NDEL1: variants seen among roughly 807,000 people sequenced by gnomAD.
NDEL1 encodes the protein nudE neurodevelopment protein 1 like 1, also known as nuclear distribution protein nudE-like 1.
Under a neutral mutation model 45.7 loss-of-function variants are expected in NDEL1, and 9 were observed. The ratio of observed to expected loss-of-function variants is 0.20; its 90% CI spans 0.12 to 0.34. The LOEUF (loss-of-function observed/expected upper bound fraction) is 0.34. NDEL1 is among the 10% of genes least tolerant of loss of function. The probability of loss-of-function intolerance (pLI) is 1.00; values close to 1 mark genes in which losing one functional copy is unlikely to be tolerated. For missense variants in NDEL1, 306 were observed against 406.2 expected (o/e 0.75, Z 2.12); for synonymous variants, 133 against 158.6 (o/e 0.84, Z 1.21).
In NDEL1 at chr17:8,450,908, A is replaced by C; in HGVS notation, c.655A>C (p.Thr219Pro). The C allele has an allele frequency of 6.2e-7, 1 of 1,612,354 alleles. No homozygotes were observed. Among genetic ancestry groups the C allele is most frequent in the Non-Finnish European group, 8.5e-7 (1 of 1,179,390 alleles). ...AVQASLSLPA[T>P]PVGKGTENTF... Reference sequence around the variant, plus strand: ...CCAAGCATCACTTTCTTTGCCAGCTACCCCTGTTGGCAAAGGAACGGAGAA... The same window carrying C: ...CCAAGCATCACTTTCTTTGCCAGCTCCCCCTGTTGGCAAAGGAACGGAGAA... The change falls in exon 6 of 9, where the codon ACC becomes CCC. Residue 219 changes from threonine (T) to proline (P), a missense_variant. By Grantham distance (38) the Thr-to-Pro change is conservative. Transcript: ENST00000334527.
chr17:8,454,380 CA>C (rs879578656), intron 6 of NDEL1, among the ~76,000 whole-genome samples: 1,625 of 136,080 alleles, frequency 0.012, 21 homozygotes, highest in African/African-American at 0.039. Context: ...ATCAAATTGT[CA>C]AAAAAAAAAA....
upstream of NDEL1, among the ~76,000 whole-genome samples, chr17:8,434,264 C>T (rs979825714): frequency 6.6e-6 from 1 of 152,102 alleles, no homozygotes; most frequent in Non-Finnish European, 1.5e-5. Context: ...CTCACTCTGT[C>T]GCCCAGGTTA....
At chr17:8,423,844 G>A (rs1051795916) in intron 1 of NDEL1, among the ~76,000 whole-genome samples, 5 of 152,172 alleles carry the variant, frequency 3.3e-5, no homozygotes, top group African/African-American at 4.8e-5. Context: ...ACTGACATGA[G>A]TGCTCAGGTC....
chr17:8,469,375 A>G (rs1911776917), downstream of NDEL1, among the ~76,000 whole-genome samples: 1 of 152,180 alleles, frequency 6.6e-6, no homozygotes, highest in Non-Finnish European at 1.5e-5. Flanking sequence ...GGAGCCCTGA[A>G]TCTTCATCCC....
chr17:8,437,374 G>A (rs1478319960), intron 1 of NDEL1, among the ~76,000 whole-genome samples: 1 of 152,170 alleles, frequency 6.6e-6, no homozygotes, highest in Non-Finnish European at 1.5e-5. Flanking sequence ...TAAATAAATT[G>A]AAGTTGGATA....
At chr17:8,457,331 C>T (rs931672) in intron 7 of NDEL1, among the ~76,000 whole-genome samples, 77,452 of 152,056 alleles carry the variant, frequency 0.51, 20,685 homozygotes, top group Middle Eastern at 0.62. Context: ...CCTCACCCCA[C>T]GTTGTTGTCT....
chr17:8,462,191 A>G (rs1007726061), intron 8 of NDEL1, among the ~76,000 whole-genome samples: 11 of 151,588 alleles, frequency 7.3e-5, no homozygotes, highest in African/African-American at 2.7e-4. Flanking sequence ...GTGCTTCCCA[A>G]TCGGAACAGT....
At chr17:8,428,888 T>C (rs754993542) in intron 1 of NDEL1, among the ~76,000 whole-genome samples, 6 of 151,830 alleles carry the variant, frequency 4.0e-5, no homozygotes, top group East Asian at 1.9e-4. Flanking sequence ...TTAGCCAAGA[T>C]GGTCTCGATC....
chr17:8,447,182 G>T (rs1489431836), intron 4 of NDEL1, among the ~76,000 whole-genome samples: 1 of 152,020 alleles, frequency 6.6e-6, no homozygotes, highest in Non-Finnish European at 1.5e-5. Flanking sequence ...TCACATTGTC[G>T]CCCAGTCTGG....
At chr17:8,461,637 G>A (rs538508677) in intron 8 of NDEL1, among the ~76,000 whole-genome samples, 29 of 152,244 alleles carry the variant, frequency 1.9e-4, no homozygotes, top group African/African-American at 5.8e-4. Flanking sequence ...GCAGACTTGC[G>A]GCAGCCCTTG....
chr17:8,470,794 A>G (rs1465892835), downstream of NDEL1, among the ~76,000 whole-genome samples: 1 of 152,228 alleles, frequency 6.6e-6, no homozygotes, highest in African/African-American at 2.4e-5. The surrounding 1 kb of genome is among the most constrained non-coding windows in gnomAD (Gnocchi z 4.2). Flanking sequence ...AGGCTTGGAA[A>G]TGACGAGCGG....
chr17:8,444,200 T>C (rs1909935956), intron 1 of NDEL1, 60 bp from the exon 2 acceptor site: 1 of 1,076,912 alleles, frequency 9.3e-7, no homozygotes, highest in South Asian at 1.3e-5. Flanking sequence ...CCAGATTTTA[T>C]GCTTGTGCTT....
chr17:8,446,677 CT>C (rs1910102958), intron 3 of NDEL1, 76 bp from the exon 4 acceptor site: 2 of 1,501,906 alleles, frequency 1.3e-6, no homozygotes, highest in Non-Finnish European at 9.1e-7. Flanking sequence ...CCCCCCCACC[CT>C]TTTAACTTGA....
At chr17:8,435,774 G>A, upstream of NDEL1, 2 of 359,692 alleles carry the variant, frequency 5.6e-6, no homozygotes, top group East Asian at 9.6e-5. Context: ...GCTCTGGCCC[G>A]CCCCCTGTGA....
intron 8 of NDEL1, among the ~76,000 whole-genome samples, chr17:8,463,586 AG>A (rs1911379295): frequency 6.6e-6 from 1 of 152,234 alleles, no homozygotes; most frequent in South Asian, 2.1e-4. Context: ...GGTGGCTGGG[AG>A]TAGCATGCCA....
At position 8,435,885 on chromosome 17, in the gene NDEL1, G is replaced by A. The variant is rs1909285106; in HGVS notation, c.-173G>A. On this transcript the variant is annotated 5_prime_UTR_variant, in exon 1 of 9. Coordinates refer to ENST00000334527, the MANE Select transcript of NDEL1 (RefSeq NM_030808.5). Reference sequence around the variant, plus strand: ...CAGAATGGCCTCGGACACCCAGGCAGTCCCTGACGTGTCGGGGAGGAGCCG... The same window carrying A: ...CAGAATGGCCTCGGACACCCAGGCAATCCCTGACGTGTCGGGGAGGAGCCG... 1 of 447,208 alleles carries A rather than the reference G, an allele frequency of 2.2e-6. No individual in the cohort carries two copies. The highest frequency in any genetic ancestry group is 4.5e-6 in the Non-Finnish European group (1 of 223,364). The allele number at this position is 447,208 out of a possible 1,614,324, so 27.7% of individuals were successfully genotyped here. A position where few individuals can be genotyped will look rare whatever the true frequency, so the allele number is the denominator to read the frequency against.
At chr17:8,455,917 G>T (rs1910813206) in intron 7 of NDEL1, among the ~76,000 whole-genome samples, 1 of 152,096 alleles carries the variant, frequency 6.6e-6, no homozygotes, top group South Asian at 2.1e-4. Context: ...AAGGAGATCT[G>T]CAGTCTGAAT....
chr17:8,447,837 C>T (rs536912480), intron 4 of NDEL1, among the ~76,000 whole-genome samples: 1 of 152,266 alleles, frequency 6.6e-6, no homozygotes, highest in South Asian at 2.1e-4. Flanking sequence ...GCTAAACTTA[C>T]AGATGCGGAG....
At chr17:8,451,226 A>G (rs535686225) in intron 6 of NDEL1, among the ~76,000 whole-genome samples, 12 of 152,336 alleles carry the variant, frequency 7.9e-5, no homozygotes, top group African/African-American at 2.2e-4. Flanking sequence ...TTTTGTGATT[A>G]CAGCCGTATG....
Sources: gnomAD v4.1 joint callset for allele counts (sites outside exome capture counted in the v4.1 genomes callset) on GRCh38, gnomAD v4.1.1 for gene constraint, Gnocchi (gnomAD v3.1) non-coding constraint, MANE v1.5 for transcripts, NCBI Gene and HGNC (gene_info 2026-07-23, HGNC 2026-07-21) for gene names.